Variants in PIEZO2 observed in about 807,000 individuals in gnomAD.
The protein encoded by PIEZO2 is piezo-type mechanosensitive ion channel component 2.
In PIEZO2, 172 loss-of-function variants were observed where a neutral mutation model predicts 337.3. The ratio of observed to expected loss-of-function variants is 0.51; its 90% CI spans 0.45 to 0.58. PIEZO2 has a LOEUF of 0.58. Among genes scored for constraint, PIEZO2 ranks in the 20% least tolerant of loss-of-function variants. The pLI is 0.00. For synonymous variants in PIEZO2, 1,251 were observed against 1,228.5 expected, an observed-to-expected ratio of 1.02 and a Z score of -0.38; for missense variants, 3,028 against 3,391.3, an observed-to-expected ratio of 0.89 and a Z score of 2.66.
chr18:11,138,644 C>T (rs186654004), intron 1 of PIEZO2, among the ~76,000 whole-genome samples: 19 of 152,258 alleles, frequency 1.2e-4, no homozygotes, highest in African/African-American at 3.6e-4. Context: ...GAGTAAGTTC[C>T]GTGCTGGGGA....
Position 11,002,895 on chromosome 18 carries a change from A to C in PIEZO2, c.161-23235T>G, listed in dbSNP as rs914579876. ...GTTCAGCAGAGAACAGACCAATAGA[A>C]ACATCCAATGGGGATGTAAAGAATT... On this transcript the variant is annotated intron_variant, in intron 2 of 55. Coordinates refer to ENST00000674853, the MANE Select transcript of PIEZO2 (RefSeq NM_001378183.1). The surrounding 1 kb of genome is among the most constrained non-coding windows in gnomAD (Gnocchi z 4.3). 6.6e-6 allele frequency among the ~76,000 whole-genome samples: 1 copy of C among 152,232 alleles called. No homozygotes were observed. The highest frequency in any genetic ancestry group is 2.4e-5 in the African/African-American group (1 of 41,462).
chr18:11,051,626 T>A (rs1290373915), intron 2 of PIEZO2, among the ~76,000 whole-genome samples: 1 of 152,180 alleles, frequency 6.6e-6, no homozygotes, highest in Non-Finnish European at 1.5e-5. Flanking sequence ...TTGGCAGGAC[T>A]AAATAAGCAA....
rs1163690700 is a variant in PIEZO2 at position 11,129,472 on chromosome 18, A to C, written c.64+19053T>G. ...TTGATAGGAAGCCTACTGCATTCTT[A>C]CTTAAATTATACAAACAGAAAACTT... On this transcript the variant is annotated intron_variant, in intron 1 of 55. Transcript: ENST00000674853. The surrounding 1 kb of genome is among the most constrained non-coding windows in gnomAD (Gnocchi z 4.6). Among the ~76,000 whole-genome samples the C allele has an allele frequency of 1.3e-5, 2 of 152,192 alleles. No homozygotes were observed. The highest frequency in any genetic ancestry group is 2.9e-5 in the Non-Finnish European group (2 of 68,032).
At position 11,112,361 on chromosome 18, in the gene PIEZO2, T is replaced by C. The variant is rs1052633130; in HGVS notation, c.64+36164A>G. ...TGATCCACCCATTTAAGTAAAGGCC[T>C]GGTCCAGTCATTCTGAGAACAACCC... On this transcript the variant is annotated intron_variant, in intron 1 of 55. Transcript: ENST00000674853. The surrounding 1 kb of genome is among the most constrained non-coding windows in gnomAD (Gnocchi z 4.3). Among the ~76,000 whole-genome samples, 18 of 152,330 alleles carry C rather than the reference T, an allele frequency of 1.2e-4. No individual in the cohort carries two copies. Among genetic ancestry groups the C allele is most frequent in the East Asian group, 1.9e-4 (1 of 5,184 alleles).
Position 10,759,401 on chromosome 18 carries a change from C to T in PIEZO2, c.3757+81G>A, listed in dbSNP as rs2143841267. On this transcript the variant is annotated intron_variant, in intron 26 of 55. Coordinates refer to ENST00000674853, the MANE Select transcript of PIEZO2 (RefSeq NM_001378183.1). The surrounding 1 kb of genome is among the most constrained non-coding windows in gnomAD (Gnocchi z 5.5). ...ACGAAGTCTAGTGGAAGACAAAAGG[C>T]ACTAATGCATAGCACGTGAACAATG... 1.7e-6 allele frequency: 2 copies of T among 1,183,812 alleles called. No homozygotes were observed. The highest frequency in any genetic ancestry group is 2.7e-5 in the South Asian group (2 of 74,856). The allele number at this position is 1,183,812 out of a possible 1,614,324, so 73.3% of individuals were successfully genotyped here.
intron 2 of PIEZO2, among the ~76,000 whole-genome samples, chr18:10,989,501 A>G (rs2035011610): frequency 6.6e-6 from 1 of 151,906 alleles, no homozygotes; most frequent in Non-Finnish European, 1.5e-5. Flanking sequence ...CAAAAAAAAA[A>G]GGAGAGATGG....
At position 11,146,095 on chromosome 18, in the gene PIEZO2, C is replaced by T. The variant is rs1337560848; in HGVS notation, c.64+2430G>A. Among the ~76,000 whole-genome samples the T allele has an allele frequency of 6.6e-6, 1 of 152,186 alleles. No individual in the cohort carries two copies. Among genetic ancestry groups the T allele is most frequent in the Admixed American group, 6.5e-5 (1 of 15,284 alleles). On this transcript the variant is annotated intron_variant, in intron 1 of 55. Transcript: ENST00000674853. This position sits in a 1 kb window ranked among gnomAD's most constrained non-coding sequence, Gnocchi z 6.1. ...TCACACAAACTGTTACACAGTCATG[C>T]ACACACTCGCACACCCAGGTTAGTC...
rs550976145 is a variant in PIEZO2, at chr18:11,037,366, G to A, written c.160+28761C>T. 4.9e-4 allele frequency among the ~76,000 whole-genome samples: 74 copies of A among 152,152 alleles called. No homozygotes were observed. The South Asian group carries it at 0.014, about 29-fold the overall frequency. ...GGAGAGAAGAAACAGAAATGAAAACGTTTATTGTTAATGTATTGGTCAGTT... is the reference window on the plus strand; with the variant it reads ...GGAGAGAAGAAACAGAAATGAAAACATTTATTGTTAATGTATTGGTCAGTT... On this transcript the variant is annotated intron_variant, in intron 2 of 55. Coordinates refer to ENST00000674853, the MANE Select transcript of PIEZO2 (RefSeq NM_001378183.1).
chr18:10,724,358 C>CA lies in PIEZO2; in HGVS notation c.5030-6100dup, dbSNP rs1355300845. Among the ~76,000 whole-genome samples, 1 of 151,992 alleles carries CA rather than the reference C, an allele frequency of 6.6e-6. No individual in the cohort carries two copies. The highest frequency in any genetic ancestry group is 2.4e-5 in the African/African-American group (1 of 41,382). On this transcript the variant is annotated intron_variant, in intron 36 of 55. Transcript: ENST00000674853. This position sits in a 1 kb window ranked among gnomAD's most constrained non-coding sequence, Gnocchi z 5.8. ...TGGGTGACAGAGCAAGACCCTGTCT[C>CA]AAAAAACAAAAACGAAAACAAAAGT...
intron 35 of PIEZO2, among the ~76,000 whole-genome samples, chr18:10,733,448 A>ATTTTTT (rs34583213): frequency 3.9e-5 from 5 of 128,300 alleles, no homozygotes; most frequent in African/African-American, 1.2e-4. Flanking sequence ...AAACTTCCCA[A>ATTTTTT]TTTTTTTTTT....
Position 10,850,463 on chromosome 18 carries a change from G to A in PIEZO2, c.917+4890C>T, listed in dbSNP as rs1011291162. 5.3e-5 allele frequency among the ~76,000 whole-genome samples: 8 copies of A among 152,152 alleles called. No homozygotes were observed. Among genetic ancestry groups the A allele is most frequent in the South Asian group, 2.1e-4 (1 of 4,832 alleles). On this transcript the variant is annotated intron_variant, in intron 7 of 55. Coordinates refer to ENST00000674853, the MANE Select transcript of PIEZO2 (RefSeq NM_001378183.1). The surrounding 1 kb of genome is among the most constrained non-coding windows in gnomAD (Gnocchi z 4.5). The stretch of plus-strand genomic sequence containing the variant: ...CCTGCAAAGGCTCTTTCACAGCTGC[G>A]AGAATGTGGGGTTGCAACTTGCTCA...
At chr18:10,960,926 C>A (rs1239045175) in intron 3 of PIEZO2, among the ~76,000 whole-genome samples, 2 of 152,050 alleles carry the variant, frequency 1.3e-5, no homozygotes, top group Non-Finnish European at 2.9e-5. Context: ...TGCCTGTAAT[C>A]CCAGCACTTT....
intron 8 of PIEZO2, among the ~76,000 whole-genome samples, chr18:10,804,378 CTG>C (rs1225425541): frequency 6.6e-6 from 1 of 152,220 alleles, no homozygotes; most frequent in Non-Finnish European, 1.5e-5. Flanking sequence ...TCAATTAAGA[CTG>C]GATGTATTGA....
intron 3 of PIEZO2, among the ~76,000 whole-genome samples, chr18:10,937,138 G>A (rs1039518301): frequency 6.6e-6 from 1 of 152,158 alleles, no homozygotes; most frequent in African/African-American, 2.4e-5. Flanking sequence ...TAATGACCAG[G>A]AGATGGCAAA....
intron 2 of PIEZO2, among the ~76,000 whole-genome samples, chr18:10,998,983 T>C (rs1466345308): frequency 1.3e-5 from 2 of 152,082 alleles, no homozygotes; most frequent in Non-Finnish European, 2.9e-5. Context: ...TCAGAGGCTA[T>C]TTCCTTAGCC....
At chr18:11,011,227 C>A (rs532413242) in intron 2 of PIEZO2, among the ~76,000 whole-genome samples, 4 of 152,304 alleles carry the variant, frequency 2.6e-5, no homozygotes, top group African/African-American at 9.6e-5. Context: ...ATCTATTCAA[C>A]AGAACTTATT....
At chr18:10,915,733 G>A (rs189441612) in intron 3 of PIEZO2, among the ~76,000 whole-genome samples, 1 of 152,228 alleles carries the variant, frequency 6.6e-6, no homozygotes, top group Non-Finnish European at 1.5e-5. Context: ...CAAGGCCAAT[G>A]TTCTTATTTA....
chr18:10,850,841 C>T lies in PIEZO2; in HGVS notation c.917+4512G>A, dbSNP rs1281019893. 1.3e-5 allele frequency among the ~76,000 whole-genome samples: 2 copies of T among 152,000 alleles called. No homozygotes were observed. Among genetic ancestry groups the T allele is most frequent in the Non-Finnish European group, 2.9e-5 (2 of 67,966 alleles). On this transcript the variant is annotated intron_variant, in intron 7 of 55. Transcript: ENST00000674853. This position sits in a 1 kb window ranked among gnomAD's most constrained non-coding sequence, Gnocchi z 4.5. ...AGGATTACATTTTAAAGTGTTTTTTCTTATTATTTTATTTTTCCAAATGAC... is the reference window on the plus strand; with the variant it reads ...AGGATTACATTTTAAAGTGTTTTTTTTTATTATTTTATTTTTCCAAATGAC...
chr18:11,142,347 T>C (rs1243302768), intron 1 of PIEZO2, among the ~76,000 whole-genome samples: 1 of 152,254 alleles, frequency 6.6e-6, no homozygotes, highest in African/African-American at 2.4e-5. Context: ...TATTAGACAC[T>C]GTGTCTCTGA....
Sources: gnomAD v4.1 joint callset for allele counts (sites outside exome capture counted in the v4.1 genomes callset) on GRCh38, gnomAD v4.1.1 for gene constraint, Gnocchi (gnomAD v3.1) non-coding constraint, MANE v1.5 for transcripts, NCBI Gene and HGNC (gene_info 2026-07-23, HGNC 2026-07-21) for gene names.